Variants in GLRA3 observed in about 807,000 individuals in gnomAD.
GLRA3 encodes the protein glycine receptor subunit alpha-3.
GLRA3 carries 44 observed loss-of-function variants against 60.4 expected under a neutral mutation model. That is an observed-to-expected ratio of 0.73 (90% confidence interval 0.57 to 0.94). GLRA3 has a LOEUF of 0.94. Ranked by LOEUF, GLRA3 falls within the 40% of genes least tolerant of loss-of-function variation. GLRA3 has a pLI of 0.00. For synonymous variants in GLRA3, 223 were observed against 192.9 expected, an observed-to-expected ratio of 1.16 and a Z score of -1.29; for missense variants, 508 against 564.6, an observed-to-expected ratio of 0.90 and a Z score of 1.02.
Position 174,809,655 on chromosome 4 carries a change from C to G in GLRA3, c.71+19086G>C, listed in dbSNP as rs150808051. On this transcript the variant is annotated intron_variant, in intron 1 of 9. Transcript: ENST00000274093. ...GGCTGAGGTAAGATAATCGTTTGAA[C>G]CCAGGAGGCAGAGGTTGCAATGAAC... Among the ~76,000 whole-genome samples the G allele has an allele frequency of 5.1e-3, 775 of 152,238 alleles. 4 individuals carry two copies. The highest frequency in any genetic ancestry group is 0.018 in the African/African-American group (754 of 41,546).
chr4:174,773,231 A>G (rs948556733), intron 2 of GLRA3, among the ~76,000 whole-genome samples: 1 of 152,136 alleles, frequency 6.6e-6, no homozygotes, highest in African/African-American at 2.4e-5. Context: ...GTGCTTTTAA[A>G]TTGTTCACGA....
intron 7 of GLRA3, among the ~76,000 whole-genome samples, chr4:174,666,315 A>G (rs1733660587): frequency 6.6e-6 from 1 of 152,158 alleles, no homozygotes; most frequent in African/African-American, 2.4e-5. Flanking sequence ...CTAGTAGACA[A>G]CGTATGAAAA....
chr4:174,817,353 C>T (rs977974427), intron 1 of GLRA3, among the ~76,000 whole-genome samples: 9 of 152,196 alleles, frequency 5.9e-5, no homozygotes, highest in Admixed American at 5.9e-4. Flanking sequence ...AACCTCCATT[C>T]CAGCCTTGAG....
At chr4:174,827,036 A>G (rs1488496198) in intron 1 of GLRA3, among the ~76,000 whole-genome samples, 1 of 151,964 alleles carries the variant, frequency 6.6e-6, no homozygotes, top group Non-Finnish European at 1.5e-5. Context: ...TTATGAATGG[A>G]GAAAGAAAAA....
At chr4:174,674,469 T>C (rs1315469426) in intron 7 of GLRA3, among the ~76,000 whole-genome samples, 1 of 152,150 alleles carries the variant, frequency 6.6e-6, no homozygotes, top group Non-Finnish European at 1.5e-5. Context: ...TATCATGACA[T>C]TGTAGAGGCT....
chr4:174,659,893 A>G (rs1328333380), intron 7 of GLRA3, among the ~76,000 whole-genome samples: 1 of 151,148 alleles, frequency 6.6e-6, no homozygotes, highest in Non-Finnish European at 1.5e-5. Context: ...AATCGCTTGA[A>G]CCCAGGGGGC....
At chr4:174,678,733 T>C (rs1404689924) in intron 6 of GLRA3, among the ~76,000 whole-genome samples, 1 of 152,214 alleles carries the variant, frequency 6.6e-6, no homozygotes, top group Non-Finnish European at 1.5e-5. Flanking sequence ...ATCAAATATA[T>C]ACAAAATGCC....
intron 3 of GLRA3, among the ~76,000 whole-genome samples, chr4:174,765,436 A>C (rs1738102878): frequency 6.6e-6 from 1 of 152,058 alleles, no homozygotes; most frequent in Admixed American, 6.6e-5. Flanking sequence ...TATTTCATGG[A>C]CGCAATCATG....
chr4:174,807,070 A>G (rs891558013), intron 1 of GLRA3, among the ~76,000 whole-genome samples: 1 of 152,082 alleles, frequency 6.6e-6, no homozygotes, highest in Non-Finnish European at 1.5e-5. Context: ...AAGACAGTCT[A>G]TCTTGAATAG....
chr4:174,783,382 G>A (rs1738974797), intron 2 of GLRA3, among the ~76,000 whole-genome samples: 1 of 132,736 alleles, frequency 7.5e-6, no homozygotes, highest in South Asian at 2.3e-4. Context: ...GAAAACCTAG[G>A]CATTACCATT....
At chr4:174,797,566 A>T (rs1186773498) in intron 1 of GLRA3, among the ~76,000 whole-genome samples, 1 of 152,184 alleles carries the variant, frequency 6.6e-6, no homozygotes, top group African/African-American at 2.4e-5. Flanking sequence ...CTTTAATTTC[A>T]TAAATGTTGG....
intron 3 of GLRA3, among the ~76,000 whole-genome samples, chr4:174,739,235 T>C (rs1159019379): frequency 6.6e-6 from 1 of 152,084 alleles, no homozygotes; most frequent in Non-Finnish European, 1.5e-5. Flanking sequence ...TTTGAAGAGA[T>C]TGTTGTGATG....
chr4:174,692,674 T>A (rs1734898741), intron 5 of GLRA3, among the ~76,000 whole-genome samples: 1 of 151,486 alleles, frequency 6.6e-6, no homozygotes, highest in Non-Finnish European at 1.5e-5. Context: ...ATGTGCTGTG[T>A]CCACTCAGGG....
At chr4:174,819,139 T>A (rs1462796538) in intron 1 of GLRA3, among the ~76,000 whole-genome samples, 1 of 152,192 alleles carries the variant, frequency 6.6e-6, no homozygotes, top group Non-Finnish European at 1.5e-5. Flanking sequence ...TGATTTTAAA[T>A]GATGGAAATT....
At chr4:174,744,057 G>C (rs921910427) in intron 3 of GLRA3, among the ~76,000 whole-genome samples, 14 of 152,188 alleles carry the variant, frequency 9.2e-5, no homozygotes, top group African/African-American at 3.1e-4. Context: ...GCTCACAAGG[G>C]AAGGAGAGGG....
chr4:174,760,105 T>C (rs1178346065), intron 3 of GLRA3, among the ~76,000 whole-genome samples: 1 of 152,160 alleles, frequency 6.6e-6, no homozygotes, highest in Admixed American at 6.5e-5. Flanking sequence ...CAGAATATTG[T>C]GTGTGTATGT....
chr4:174,646,741 T>C (rs937382007), intron 9 of GLRA3, among the ~76,000 whole-genome samples: 1 of 152,140 alleles, frequency 6.6e-6, no homozygotes, highest in Non-Finnish European at 1.5e-5. Flanking sequence ...GTCTGATGGG[T>C]TTCCTGCCTC....
At chr4:174,659,669 G>A (rs1733360157) in intron 7 of GLRA3, among the ~76,000 whole-genome samples, 2 of 152,042 alleles carry the variant, frequency 1.3e-5, no homozygotes, top group South Asian at 2.1e-4. Context: ...ATAAAGACAT[G>A]TTATAAGAAT....
intron 1 of GLRA3, among the ~76,000 whole-genome samples, chr4:174,814,333 G>A (rs188878630): frequency 6.6e-6 from 1 of 152,188 alleles, no homozygotes; most frequent in Admixed American, 6.5e-5. Context: ...GGGATGAAGT[G>A]GGAAGGCAGT....
Sources: gnomAD v4.1 joint callset for allele counts (sites outside exome capture counted in the v4.1 genomes callset) on GRCh38, gnomAD v4.1.1 for gene constraint, MANE v1.5 for transcripts, NCBI Gene and HGNC (gene_info 2026-07-23, HGNC 2026-07-21) for gene names.